Variants in RTN3 observed in about 807,000 individuals in gnomAD.
The protein encoded by RTN3 is reticulon-3.
A neutral mutation model predicts 77.8 loss-of-function variants in RTN3; 49 were observed. The observed-to-expected ratio is 0.63, with a 90% CI of 0.50 to 0.80. The LOEUF (loss-of-function observed/expected upper bound fraction) is 0.80. RTN3 is among the 30% of genes least tolerant of loss of function. The pLI, the probability that RTN3 is intolerant of heterozygous loss-of-function variation, is 0.00. For missense variants in RTN3, 1,236 were observed against 1,211.9 expected (o/e 1.02, Z -0.29); for synonymous variants, 464 against 446.9 (o/e 1.04, Z -0.48).
rs1449796872 is a variant in RTN3 at position 63,759,379 on chromosome 11, C to T, written c.*1178C>T. The T allele has an allele frequency of 6.6e-6, 1 of 152,532 alleles. No homozygotes were observed. Among genetic ancestry groups the T allele is most frequent in the African/African-American group, 2.4e-5 (1 of 41,400 alleles). The allele number at this position is 152,532 out of a possible 1,614,324, so 9.4% of individuals were successfully genotyped here. A position where few individuals can be genotyped will look rare whatever the true frequency, so the allele number is the denominator to read the frequency against. ...TGCACTGGCGAGTTTAAAGTAAGGG[C>T]TATGATATTTGATGGTCCCAAAGTA... On this transcript the variant is annotated 3_prime_UTR_variant, in exon 9 of 9. Transcript: ENST00000377819.
intron 3 of RTN3, among the ~76,000 whole-genome samples, chr11:63,748,022 G>A (rs886691915): frequency 6.6e-6 from 1 of 151,926 alleles, no homozygotes; most frequent in African/African-American, 2.4e-5. Flanking sequence ...AAATACAAAA[G>A]GTAATGGCAG....
chr11:63,702,761 C>T (rs1336967562), intron 1 of RTN3, among the ~76,000 whole-genome samples: 1 of 151,730 alleles, frequency 6.6e-6, no homozygotes, highest in Non-Finnish European at 1.5e-5. Context: ...TCTCGGCTCA[C>T]TGCAAACTCC....
upstream of RTN3, chr11:63,681,482 C>G (rs1941027467): frequency 1.3e-6 from 1 of 756,956 alleles, no homozygotes. Flanking sequence ...CCTCTAGCTG[C>G]GCTCGGCTGA....
chr11:63,717,028 T>C (rs1410275978), intron 2 of RTN3, among the ~76,000 whole-genome samples: 1 of 146,692 alleles, frequency 6.8e-6, no homozygotes, highest in East Asian at 2.0e-4. Flanking sequence ...CCAGGTGTGG[T>C]GGCATGTGCC....
intron 3 of RTN3, among the ~76,000 whole-genome samples, chr11:63,730,211 CCCT>C (rs1196349465): frequency 2.6e-5 from 4 of 152,188 alleles, no homozygotes; most frequent in Non-Finnish European, 4.4e-5. Context: ...TAGTGATCCA[CCCT>C]CCTCGGCCTC....
chr11:63,758,287 C>T lies in RTN3; in HGVS notation c.*86C>T. On this transcript the variant is annotated 3_prime_UTR_variant, in exon 9 of 9. Transcript: ENST00000377819. ...TACTTGTACTATGAAGGAAAATACT[C>T]AGTGTCAGCTTGAGCCTGCATTCCA... 6.2e-7 allele frequency: 1 copy of T among 1,613,406 alleles called. No homozygotes were observed. The highest frequency in any genetic ancestry group is 8.5e-7 in the Non-Finnish European group (1 of 1,179,744).
At chr11:63,748,343 C>T (rs908006197) in intron 3 of RTN3, among the ~76,000 whole-genome samples, 1 of 150,480 alleles carries the variant, frequency 6.6e-6, no homozygotes, top group Admixed American at 6.7e-5. Context: ...ATTAATAGTG[C>T]CCCACTCACT....
At chr11:63,714,702 A>C (rs1180599118) in intron 2 of RTN3, among the ~76,000 whole-genome samples, 1 of 151,618 alleles carries the variant, frequency 6.6e-6, no homozygotes, top group Non-Finnish European at 1.5e-5. Flanking sequence ...TTGTAGGGGC[A>C]GGATCTCAGC....
chr11:63,738,874 C>T (rs1042298067), intron 3 of RTN3, among the ~76,000 whole-genome samples: 2 of 152,084 alleles, frequency 1.3e-5, no homozygotes, highest in Non-Finnish European at 2.9e-5. Flanking sequence ...ACTGCTGTTC[C>T]TCCTGGAAAT....
At chr11:63,700,282 C>CTTTT (rs753369954) in intron 1 of RTN3, among the ~76,000 whole-genome samples, 3 of 133,444 alleles carry the variant, frequency 2.2e-5, no homozygotes, top group African/African-American at 5.8e-5. Context: ...GATTCTTTTA[C>CTTTT]TTTTTTTTTT....
chr11:63,690,013 G>A (rs1226542851), intron 1 of RTN3, among the ~76,000 whole-genome samples: 1 of 151,906 alleles, frequency 6.6e-6, no homozygotes, highest in Admixed American at 6.6e-5. Context: ...CCCCGCCTCG[G>A]CCTCCCACAG....
chr11:63,690,886 CT>C (rs1555066572), intron 1 of RTN3, among the ~76,000 whole-genome samples: 2 of 152,144 alleles, frequency 1.3e-5, no homozygotes, highest in Non-Finnish European at 2.9e-5. Context: ...GCTTTTCATC[CT>C]CTGTCTCCAT....
In RTN3 at chr11:63,720,557, A is replaced by G; in HGVS notation, c.2055A>G (p.Lys685=). 6.2e-7 allele frequency: 1 copy of G among 1,614,170 alleles called. No individual in the cohort carries two copies. ...KAISEKMTDF[K]TTPPVEVLHE... ...TATCAGAGAAGATGACAGACTTTAA[A>G]ACAACTCCTCCTGTAGAAGTCTTAC... Residue 685 remains lysine, a synonymous_variant, in exon 3 of 9, where the codon AAA becomes AAG. Coordinates refer to ENST00000377819, the MANE Select transcript of RTN3 (RefSeq NM_001265589.2).
At chr11:63,686,775 G>A (rs1941398166) in intron 1 of RTN3, among the ~76,000 whole-genome samples, 1 of 152,102 alleles carries the variant, frequency 6.6e-6, no homozygotes, top group African/African-American at 2.4e-5. Flanking sequence ...AGGTTGCAGT[G>A]AGCTGAGATT....
chr11:63,720,900 G>T lies in RTN3; in HGVS notation c.2398G>T (p.Gly800Ter). 1 of 1,614,070 alleles carries T rather than the reference G, an allele frequency of 6.2e-7. No individual in the cohort carries two copies. The highest frequency in any genetic ancestry group is 8.5e-7 in the Non-Finnish European group (1 of 1,180,002). Residue 800 changes from glycine to a stop codon, truncating the protein, a stop_gained, in exon 3 of 9, where the codon GGA becomes TGA. Coordinates refer to ENST00000377819, the MANE Select transcript of RTN3 (RefSeq NM_001265589.2). LOFTEE classifies it high-confidence loss of function. Reference sequence around the variant, plus strand: ...CATCCTAGAACGTAATGTCAAGAATGGATCTGATCTTGGGATTTCCCAGAA... The same window carrying T: ...CATCCTAGAACGTAATGTCAAGAATTGATCTGATCTTGGGATTTCCCAGAA... Reference protein sequence around the residue: ...YDILERNVKNGSDLGISQKPI... With the variant: ...YDILERNVKN
At chr11:63,756,972 G>T (rs1050763713) in intron 8 of RTN3, among the ~76,000 whole-genome samples, 8 of 152,204 alleles carry the variant, frequency 5.3e-5, no homozygotes, top group Non-Finnish European at 8.8e-5. Flanking sequence ...CTTGAACCTG[G>T]GAGGCGAGGT....
Position 63,718,939 on chromosome 11 carries a change from C to T in RTN3, c.437C>T (p.Ser146Phe), listed in dbSNP as rs193027719. 6.2e-7 allele frequency: 1 copy of T among 1,614,204 alleles called. No individual in the cohort carries two copies. Among genetic ancestry groups the T allele is most frequent in the East Asian group, 2.2e-5 (1 of 44,876 alleles). Reference protein sequence around the residue: ...TSNNVSDSSVSLAAGVHCDRP... With the variant: ...TSNNVSDSSVFLAAGVHCDRP... ...AACAACGTATCAGACTCTTCAGTTT[C>T]TCTTGCAGCAGGAGTTCATTGTGAC... The change falls in exon 3 of 9, where the codon TCT (serine) becomes TTT (phenylalanine). Residue 146 changes from serine (S) to phenylalanine (F), a missense_variant. By Grantham distance (155) the Ser-to-Phe change is radical (BLOSUM62 -2). This residue lies in a region of RTN3 where 1,056 missense variants were observed against 990.4 expected (regional missense o/e 1.07). Transcript: ENST00000377819.
In RTN3 at chr11:63,758,324, T is replaced by G. The variant is rs769524474; in HGVS notation, c.*123T>G. The G allele has an allele frequency of 1.2e-6, 2 of 1,612,640 alleles. No homozygotes were observed. The highest frequency in any genetic ancestry group is 2.2e-5 in the South Asian group (2 of 90,674). ...GAGCCTGCATTCCAAGCTTTTTTTTTAATTTGGTGTTTTCTCCCATCCTTT... is the reference window on the plus strand; with the variant it reads ...GAGCCTGCATTCCAAGCTTTTTTTTGAATTTGGTGTTTTCTCCCATCCTTT... On this transcript the variant is annotated 3_prime_UTR_variant, in exon 9 of 9. Transcript: ENST00000377819.
At chr11:63,721,851 T>C (rs1433072604) in intron 3 of RTN3, among the ~76,000 whole-genome samples, 1 of 152,204 alleles carries the variant, frequency 6.6e-6, no homozygotes, top group Non-Finnish European at 1.5e-5. Context: ...TGTGATCGTA[T>C]ACTATAGAGA....
Sources: gnomAD v4.1 joint callset for allele counts (sites outside exome capture counted in the v4.1 genomes callset) on GRCh38, gnomAD v4.1.1 for gene constraint, gnomAD v4.1.1 regional missense constraint, MANE v1.5 for transcripts, NCBI Gene and HGNC (gene_info 2026-07-23, HGNC 2026-07-21) for gene names.